ZNF804A: variants seen among roughly 807,000 people sequenced by gnomAD.
ZNF804A encodes zinc finger protein 804A.
ZNF804A carries 2 observed loss-of-function variants against 16.5 expected under a neutral mutation model. That is an observed-to-expected ratio of 0.12 (90% CI 0.05 to 0.38). The LOEUF (loss-of-function observed/expected upper bound fraction) is 0.38, where lower values mean the gene tolerates loss of function less well. ZNF804A is among the 10% of genes least tolerant of loss of function. The pLI is 0.99. For synonymous variants in ZNF804A, 534 were observed against 489.6 expected, an observed-to-expected ratio of 1.09 and a Z score of -1.20; for missense variants, 1,473 against 1,390.7, an observed-to-expected ratio of 1.06 and a Z score of -0.94.
chr2:184,739,790 C>G (rs1035873224), intron 1 of ZNF804A, among the ~76,000 whole-genome samples: 1 of 152,176 alleles, frequency 6.6e-6, no homozygotes, highest in Non-Finnish European at 1.5e-5. Context: ...ATCTCCCCTG[C>G]TCTTCAGATC....
intron 1 of ZNF804A, among the ~76,000 whole-genome samples, chr2:184,718,226 G>C (rs1018872713): frequency 7.2e-6 from 1 of 139,824 alleles, no homozygotes; most frequent in East Asian, 2.4e-4. Context: ...CTCATTCACT[G>C]TCAGAAGAAC....
At chr2:184,646,642 G>T (rs534357029) in intron 1 of ZNF804A, among the ~76,000 whole-genome samples, 14 of 152,316 alleles carry the variant, frequency 9.2e-5, no homozygotes, top group African/African-American at 2.4e-4. Context: ...GAGATTAGCT[G>T]CAGGGGGCTC....
intron 2 of ZNF804A, among the ~76,000 whole-genome samples, chr2:184,895,104 C>A (rs1685045548): frequency 6.6e-6 from 1 of 152,110 alleles, no homozygotes; most frequent in Admixed American, 6.5e-5. Context: ...CTCTGTGTAA[C>A]CTAGAATTTG....
At chr2:184,650,200 A>C (rs72899904) in intron 1 of ZNF804A, among the ~76,000 whole-genome samples, 16,643 of 152,136 alleles carry the variant, frequency 0.11, 1,179 homozygotes, top group Non-Finnish European at 0.16. Context: ...CATAATTAAA[A>C]CCAAAAGGCG....
At chr2:184,897,359 T>C (rs1489285052) in intron 2 of ZNF804A, among the ~76,000 whole-genome samples, 3 of 151,906 alleles carry the variant, frequency 2.0e-5, no homozygotes, top group Non-Finnish European at 2.9e-5. Flanking sequence ...CCCCTTTCCA[T>C]ACAGCAATTA....
chr2:184,688,194 T>A (rs1289529892), intron 1 of ZNF804A, among the ~76,000 whole-genome samples: 1 of 151,972 alleles, frequency 6.6e-6, no homozygotes, highest in Non-Finnish European at 1.5e-5. Flanking sequence ...ATAGCATAAA[T>A]CATATATATT....
intron 1 of ZNF804A, among the ~76,000 whole-genome samples, chr2:184,679,397 A>G (rs902635070): frequency 1.3e-5 from 2 of 152,202 alleles, no homozygotes; most frequent in African/African-American, 4.8e-5. Flanking sequence ...TGCATGCTCC[A>G]TGGAGCTGGA....
chr2:184,600,825 G>A (rs1408958047), intron 1 of ZNF804A, among the ~76,000 whole-genome samples: 1 of 152,146 alleles, frequency 6.6e-6, no homozygotes, highest in African/African-American at 2.4e-5. Context: ...TGTGTTTGGA[G>A]TTGGTTCATT....
chr2:184,762,176 C>G (rs1694045431), intron 1 of ZNF804A, among the ~76,000 whole-genome samples: 1 of 149,558 alleles, frequency 6.7e-6, no homozygotes, highest in Admixed American at 6.8e-5. Flanking sequence ...TTTGGATAGC[C>G]CTAATGAAAT....
At chr2:184,669,378 A>G (rs1053092088) in intron 1 of ZNF804A, among the ~76,000 whole-genome samples, 10 of 152,212 alleles carry the variant, frequency 6.6e-5, no homozygotes, top group Middle Eastern at 3.4e-3. Context: ...GAACAGACAC[A>G]GTTTCAAATC....
chr2:184,817,307 A>G (rs922165876), intron 1 of ZNF804A, among the ~76,000 whole-genome samples: 5 of 151,916 alleles, frequency 3.3e-5, no homozygotes, highest in Non-Finnish European at 7.4e-5. Flanking sequence ...CAGCAGCCCT[A>G]TAGAAAAATG....
intron 2 of ZNF804A, among the ~76,000 whole-genome samples, chr2:184,897,141 G>T (rs555369003): frequency 1.3e-5 from 2 of 152,014 alleles, no homozygotes; most frequent in Admixed American, 1.3e-4. Context: ...CCTCAACTGG[G>T]ATTTGCTTAA....
intron 1 of ZNF804A, among the ~76,000 whole-genome samples, chr2:184,622,081 T>C (rs1292732773): frequency 6.6e-6 from 1 of 151,802 alleles, no homozygotes; most frequent in Non-Finnish European, 1.5e-5. Context: ...ACTCTGATTA[T>C]ATCTTACTTG....
At chr2:184,784,872 C>T (rs1345343324) in intron 1 of ZNF804A, among the ~76,000 whole-genome samples, 1 of 151,916 alleles carries the variant, frequency 6.6e-6, no homozygotes, top group Non-Finnish European at 1.5e-5. Flanking sequence ...AAATTTAAGA[C>T]TTCCATCAAT....
chr2:184,887,314 G>T (rs1684909027), intron 2 of ZNF804A, among the ~76,000 whole-genome samples: 1 of 152,178 alleles, frequency 6.6e-6, no homozygotes, highest in Non-Finnish European at 1.5e-5. Flanking sequence ...ATTGCTATCA[G>T]CATTTTGGGC....
intron 1 of ZNF804A, among the ~76,000 whole-genome samples, chr2:184,624,635 T>C (rs1305853785): frequency 6.6e-6 from 1 of 152,192 alleles, no homozygotes. Flanking sequence ...GCTCCATTTG[T>C]AGTATTCTAA....
In ZNF804A at chr2:184,937,415, G is replaced by A; in HGVS notation, c.2019G>A (p.Met673Ile). 6.2e-7 allele frequency: 1 copy of A among 1,612,714 alleles called. No individual in the cohort carries two copies. The highest frequency in any genetic ancestry group is 8.5e-7 in the Non-Finnish European group (1 of 1,179,506). The change falls in exon 4 of 4, where the codon ATG becomes ATA. Residue 673 changes from methionine to isoleucine, a missense_variant. Met to Ile is a conservative substitution (Grantham distance 10). Transcript: ENST00000302277. ...ESISLSDNEE[M>I]CKTWNTEYNT... ...TATCCTTAAGTGACAATGAAGAAAT[G>A]TGTAAAACATGGAATACTGAATACA...
chr2:184,767,765 G>A (rs920974421), intron 1 of ZNF804A, among the ~76,000 whole-genome samples: 10 of 152,004 alleles, frequency 6.6e-5, no homozygotes, highest in Admixed American at 5.9e-4. Context: ...AAAATGTAAG[G>A]AATTACAAGG....
intron 1 of ZNF804A, among the ~76,000 whole-genome samples, chr2:184,613,309 G>A (rs12693384): frequency 0.4 from 60,723 of 151,976 alleles, 12,472 homozygotes; most frequent in Middle Eastern, 0.46. Flanking sequence ...TCTTGCTCTC[G>A]CTGTCTCACT....
Sources: allele counts gnomAD v4.1 joint callset (sites outside exome capture counted in the v4.1 genomes callset), GRCh38; gene constraint gnomAD v4.1.1; transcripts MANE v1.5; gene names NCBI Gene and HGNC (gene_info 2026-07-23, HGNC 2026-07-21).